The following CHSY3 variants were observed in gnomAD, a reference collection of about 807,000 sequenced individuals.
The protein encoded by CHSY3 is chondroitin sulfate synthase 3.
A neutral mutation model predicts 67.2 loss-of-function variants in CHSY3; 35 were observed. That is an observed-to-expected ratio of 0.52 (90% CI 0.40 to 0.69). The LOEUF (loss-of-function observed/expected upper bound fraction) is 0.69. CHSY3 is among the 30% of genes least tolerant of loss of function. CHSY3 has a pLI of 0.00. For missense variants in CHSY3, 1,069 were observed against 1,138.5 expected (o/e 0.94, Z 0.88); for synonymous variants, 474 against 434.7 (o/e 1.09, Z -1.12).
intron 2 of CHSY3, among the ~76,000 whole-genome samples, chr5:130,082,827 T>C (rs1426827211): frequency 6.6e-6 from 1 of 151,680 alleles, no homozygotes; most frequent in African/African-American, 2.4e-5. Flanking sequence ...GTGACAGTAG[T>C]CCTCCTGAAA....
intron 2 of CHSY3, among the ~76,000 whole-genome samples, chr5:129,925,250 G>A (rs1024762572): frequency 6.6e-6 from 1 of 152,146 alleles, no homozygotes; most frequent in Non-Finnish European, 1.5e-5. Context: ...GATGTGTGTA[G>A]AATTGGTTAT....
rs114005139 is a variant in CHSY3, at chr5:130,044,565, G to C, written c.1086+136205G>C. 4.7e-3 allele frequency among the ~76,000 whole-genome samples: 714 copies of C among 152,192 alleles called. 2 individuals are homozygous for C. The highest frequency in any genetic ancestry group is 0.016 in the African/African-American group (645 of 41,514). ...AATAAGTGACTCTAAAAGGGATGGT[G>C]GTGGGTAGCAGAAAAGTGGATTGGT... is the stretch of plus-strand genomic sequence containing the variant. On this transcript the variant is annotated intron_variant, in intron 2 of 2. Transcript: ENST00000305031.
chr5:130,028,315 T>A (rs1030586589), intron 2 of CHSY3, among the ~76,000 whole-genome samples: 2 of 152,074 alleles, frequency 1.3e-5, no homozygotes, highest in Non-Finnish European at 2.9e-5. Flanking sequence ...AACAGAGATA[T>A]AGACCAATGG....
At chr5:129,972,915 C>T (rs1762685668) in intron 2 of CHSY3, among the ~76,000 whole-genome samples, 1 of 151,970 alleles carries the variant, frequency 6.6e-6, no homozygotes, top group Non-Finnish European at 1.5e-5. Context: ...GCTCTTTTCT[C>T]CCATGCACTG....
chr5:130,146,043 A>G (rs1190797125), intron 2 of CHSY3, among the ~76,000 whole-genome samples: 2 of 152,158 alleles, frequency 1.3e-5, no homozygotes, highest in Non-Finnish European at 2.9e-5. Flanking sequence ...CAGTATGGAG[A>G]TTCCTCAAAA....
intron 2 of CHSY3, among the ~76,000 whole-genome samples, chr5:130,170,524 T>C (rs1460609447): frequency 6.6e-6 from 1 of 152,118 alleles, no homozygotes; most frequent in Non-Finnish European, 1.5e-5. Flanking sequence ...CTGGGTATAA[T>C]GGTAGTTCTG....
chr5:130,035,812 T>G, intron 2 of CHSY3, among the ~76,000 whole-genome samples: 1 of 151,484 alleles, frequency 6.6e-6, no homozygotes. Context: ...GAATAAGATA[T>G]GCAGTTGATC....
intron 2 of CHSY3, among the ~76,000 whole-genome samples, chr5:130,042,229 CT>C (rs1167282466): frequency 1.3e-5 from 2 of 152,064 alleles, no homozygotes; most frequent in African/African-American, 4.8e-5. Flanking sequence ...GAGTGAGACC[CT>C]GTCTCCAAAT....
chr5:130,163,608 TG>T (rs1305550117), intron 2 of CHSY3, among the ~76,000 whole-genome samples: 4 of 152,192 alleles, frequency 2.6e-5, no homozygotes, highest in Non-Finnish European at 5.9e-5. Flanking sequence ...ATTAAAAGTA[TG>T]GTCATTTATT....
At chr5:130,002,129 G>A (rs554103411) in intron 2 of CHSY3, 2 of 923,878 alleles carry the variant, frequency 2.2e-6, no homozygotes, top group South Asian at 5.0e-5. Flanking sequence ...TCTGTGTGTT[G>A]TCCCTTGAGA....
chr5:130,026,872 A>G (rs1764558505), intron 2 of CHSY3, among the ~76,000 whole-genome samples: 1 of 152,116 alleles, frequency 6.6e-6, no homozygotes, highest in South Asian at 2.1e-4. Flanking sequence ...CTGTAATTTG[A>G]GATAAAAATA....
intron 2 of CHSY3, among the ~76,000 whole-genome samples, chr5:129,918,155 T>C (rs1052916794): frequency 6.6e-6 from 1 of 152,210 alleles, no homozygotes; most frequent in African/African-American, 2.4e-5. Flanking sequence ...TTTCTCACGA[T>C]CTGATTTTCA....
chr5:130,184,931 A>G lies in CHSY3; in HGVS notation c.1789A>G (p.Ile597Val), dbSNP rs1770368266. 1 of 1,554,442 alleles carries G rather than the reference A, an allele frequency of 6.4e-7. No individual in the cohort carries two copies. The highest frequency in any genetic ancestry group is 8.9e-7 in the Non-Finnish European group (1 of 1,125,924). Residue 597 changes from isoleucine to valine, a missense_variant, in exon 3 of 3, where the codon ATA (isoleucine) becomes GTA (valine). This residue lies in a region of CHSY3 where 401 missense variants were observed against 395.2 expected (regional missense o/e 1.01). Transcript: ENST00000305031. Reference protein sequence around the residue: ...INSETQSFSFISNSLKILSSF... With the variant: ...INSETQSFSFVSNSLKILSSF... ...CAGTGAAACTCAGTCATTCTCCTTT[A>G]TATCTAATTCTTTAAAGATATTATC...
At chr5:130,071,784 T>C (rs1561523412) in intron 2 of CHSY3, among the ~76,000 whole-genome samples, 1 of 152,032 alleles carries the variant, frequency 6.6e-6, no homozygotes, top group Non-Finnish European at 1.5e-5. Flanking sequence ...TTGAGGACCC[T>C]TTGTATTATT....
intron 2 of CHSY3, among the ~76,000 whole-genome samples, chr5:130,080,280 C>T (rs1766406660): frequency 6.6e-6 from 1 of 152,038 alleles, no homozygotes; most frequent in Non-Finnish European, 1.5e-5. Flanking sequence ...GTGACCATGG[C>T]TTCTCCATGG....
intron 2 of CHSY3, among the ~76,000 whole-genome samples, chr5:130,079,706 C>T (rs1766384186): frequency 6.6e-6 from 1 of 152,060 alleles, no homozygotes; most frequent in African/African-American, 2.4e-5. Context: ...TTATCTGCAA[C>T]AGTAGCATAA....
intron 2 of CHSY3, among the ~76,000 whole-genome samples, chr5:129,956,651 G>T (rs562158853): frequency 6.6e-6 from 1 of 152,014 alleles, no homozygotes; most frequent in Non-Finnish European, 1.5e-5. Context: ...ATGGTATAAA[G>T]AAGGGGTCCA....
chr5:129,960,694 A>G (rs1029379566), intron 2 of CHSY3, among the ~76,000 whole-genome samples: 4 of 151,988 alleles, frequency 2.6e-5, no homozygotes, highest in African/African-American at 9.7e-5. Flanking sequence ...CTTTTTAGGA[A>G]ATCATTTGTT....
intron 2 of CHSY3, among the ~76,000 whole-genome samples, chr5:130,110,619 ATACTTACATGCAGG>A (rs1767562958): frequency 1.3e-5 from 2 of 151,958 alleles, no homozygotes; most frequent in African/African-American, 4.8e-5. Flanking sequence ...TAGTGGATGG[ATACTTACATGCAGG>A]TTTTTTTTCT....
Sources: allele counts gnomAD v4.1 joint callset (sites outside exome capture counted in the v4.1 genomes callset), GRCh38; gene constraint gnomAD v4.1.1; regional missense constraint gnomAD v4.1.1; transcripts MANE v1.5; gene names NCBI Gene and HGNC (gene_info 2026-07-23, HGNC 2026-07-21).